ZBTB7B: variants seen among roughly 807,000 people sequenced by gnomAD.
ZBTB7B encodes the protein zinc finger and BTB domain containing 7B, also known as zinc finger and BTB domain-containing protein 7B.
Under a neutral mutation model 31.0 loss-of-function variants are expected in ZBTB7B, and 8 were observed. The observed-to-expected ratio is 0.26, with a 90% CI of 0.15 to 0.47. ZBTB7B has a LOEUF of 0.47. Among genes scored for constraint, ZBTB7B ranks in the 20% least tolerant of loss-of-function variants. ZBTB7B has a pLI of 0.99. For synonymous variants in ZBTB7B, 261 were observed against 307.3 expected (o/e 0.85, Z 1.58); for missense variants, 494 against 742.4 (o/e 0.67, Z 3.89).
rs1659500115 is a variant in ZBTB7B at position 155,017,329 on chromosome 1, G to A, written c.*644G>A. 8.4e-6 allele frequency: 1 copy of A among 118,584 alleles called. No homozygotes were observed. Among genetic ancestry groups the A allele is most frequent in the Non-Finnish European group, 2.0e-5 (1 of 49,824 alleles). 7.3% of individuals were successfully genotyped at this position (118,584 alleles called of 1,614,324 possible). A position where few individuals can be genotyped will look rare whatever the true frequency, so the allele number is the denominator to read the frequency against. On this transcript the variant is annotated 3_prime_UTR_variant, in exon 3 of 3. Transcript: ENST00000535420. The stretch of plus-strand genomic sequence containing the variant: ...CGTGGAGAAGGGGGCGGGGTGGCCT[G>A]ATTGGCTCGCCTGCCCCTGGGGGCA...
chr1:155,015,386 G>A lies in ZBTB7B; in HGVS notation c.726G>A (p.Val242=), dbSNP rs1367777951. Residue 242 remains valine (V), a synonymous_variant, in exon 2 of 3, where the codon GTG becomes GTA. Coordinates refer to ENST00000535420, the MANE Select transcript of ZBTB7B (RefSeq NM_001256455.2). ...TYEEEEVAGR[V]GSSGGSGPGD... ...AGGAGGAGGAGGTGGCGGGCAGAGT[G>A]GGCAGCAGTGGGGGCAGTGGGCCGG... is the stretch of plus-strand genomic sequence containing the variant. 1 of 1,572,074 alleles carries A rather than the reference G, an allele frequency of 6.4e-7. No homozygotes were observed. The highest frequency in any genetic ancestry group is 2.3e-5 in the East Asian group (1 of 44,418).
In ZBTB7B at chr1:155,008,299, G is replaced by C. The variant is rs1658690631; in HGVS notation, c.-7+5356G>C. On this transcript the variant is annotated intron_variant, in intron 1 of 2. Transcript: ENST00000535420. ...GGAACTGTGGTATGTGAGTGGGTTT[G>C]GGGTGAGGCTATGGGGAGGGCGGGG... 1.3e-5 allele frequency among the ~76,000 whole-genome samples: 2 copies of C among 152,206 alleles called. 1 individual carries two copies.
chr1:155,007,888 C>A (rs138477675), intron 1 of ZBTB7B, among the ~76,000 whole-genome samples: 5 of 152,080 alleles, frequency 3.3e-5, no homozygotes, highest in African/African-American at 9.7e-5. Flanking sequence ...TTCTATGGTA[C>A]CCCCAAGCCT....
At chr1:155,006,738 C>A (rs1223529171) in intron 1 of ZBTB7B, among the ~76,000 whole-genome samples, 1 of 152,058 alleles carries the variant, frequency 6.6e-6, no homozygotes, top group Non-Finnish European at 1.5e-5. Context: ...TTTCCACCGT[C>A]CCCCCAACTC....
chr1:155,002,693 C>A (rs1367920303), upstream of ZBTB7B: 1 of 72,006 alleles, frequency 1.4e-5, no homozygotes, highest in African/African-American at 5.9e-5. Context: ...ACAGGTGAGG[C>A]GGGCCCTGAG....
chr1:155,009,381 G>A (rs1474864981), intron 1 of ZBTB7B, among the ~76,000 whole-genome samples: 2 of 152,000 alleles, frequency 1.3e-5, no homozygotes, highest in Admixed American at 6.6e-5. Context: ...CACTAGGCTG[G>A]GGGGGAGGGG....
In ZBTB7B at chr1:155,009,027, G is replaced by T. The variant is rs563648369; in HGVS notation, c.-6-5628G>T. On this transcript the variant is annotated intron_variant, in intron 1 of 2. Coordinates refer to ENST00000535420, the MANE Select transcript of ZBTB7B (RefSeq NM_001256455.2). ...TCTGGCTTGGGAGATCAGGCCCCAG[G>T]GGGGCTTGGAGGCCTAGAATTAGCC... is the stretch of plus-strand genomic sequence containing the variant. 3.7e-4 allele frequency among the ~76,000 whole-genome samples: 57 copies of T among 152,246 alleles called. 1 individual carries two copies. Among genetic ancestry groups the T allele is most frequent in the Admixed American group, 2.0e-4 (3 of 15,292 alleles).
intron 1 of ZBTB7B, chr1:155,011,111 G>T: frequency 8.8e-7 from 1 of 1,137,620 alleles, no homozygotes; most frequent in Non-Finnish European, 1.3e-6. Flanking sequence ...TCCGCCTGCT[G>T]CCCCCCACAC....
chr1:155,008,042 C>T (rs1658668381), intron 1 of ZBTB7B, among the ~76,000 whole-genome samples: 1 of 152,124 alleles, frequency 6.6e-6, no homozygotes, highest in Non-Finnish European at 1.5e-5. Context: ...CCCCTCAGGC[C>T]CAGGCGGGTC....
chr1:155,008,174 C>A (rs1291837400), intron 1 of ZBTB7B, among the ~76,000 whole-genome samples: 1 of 152,116 alleles, frequency 6.6e-6, no homozygotes, highest in African/African-American at 2.4e-5. Flanking sequence ...TCTGTCTATC[C>A]CCCTCAGGCC....
chr1:155,003,588 T>G lies in ZBTB7B; in HGVS notation c.-7+645T>G, dbSNP rs1571502412. ...TCCCTGCCCCTCAATCCCACTCCCT[T>G]CCTTCAGGCTCCAGTCCCGCCGCTA... On this transcript the variant is annotated intron_variant, in intron 1 of 2. Coordinates refer to ENST00000535420, the MANE Select transcript of ZBTB7B (RefSeq NM_001256455.2). This position sits in a 1 kb window ranked among gnomAD's most constrained non-coding sequence, Gnocchi z 5.8. Among the ~76,000 whole-genome samples, 1 of 152,192 alleles carries G rather than the reference T, an allele frequency of 6.6e-6. No individual in the cohort carries two copies. Among genetic ancestry groups the G allele is most frequent in the South Asian group, 2.1e-4 (1 of 4,816 alleles).
Position 155,015,162 on chromosome 1 carries a change from A to C in ZBTB7B, c.502A>C (p.Thr168Pro), listed in dbSNP as rs764371708. 6.2e-7 allele frequency: 1 copy of C among 1,613,744 alleles called. No individual in the cohort carries two copies. Among genetic ancestry groups the C allele is most frequent in the East Asian group, 2.2e-5 (1 of 44,870 alleles). The change falls in exon 2 of 3, where the codon ACA becomes CCA. Residue 168 changes from threonine to proline, a missense_variant. This residue lies in a region of ZBTB7B where 216 missense variants were observed against 229.3 expected (regional missense o/e 0.94). Transcript: ENST00000535420. ...CCGCCAGTATCTGGAGGCCTTTGCC[A>C]CAGCCACGGCCTCTGGAGTTCCCAA... is the stretch of plus-strand genomic sequence containing the variant. ...RARQYLEAFATATASGVPNGE... is the reference protein window; with the variant it reads ...RARQYLEAFAPATASGVPNGE...
At position 155,016,834 on chromosome 1, in the gene ZBTB7B, A is replaced by G. The variant is rs555590898; in HGVS notation, c.*149A>G. 3.4e-5 allele frequency: 20 copies of G among 593,386 alleles called. No homozygotes were observed. Among genetic ancestry groups the G allele is most frequent in the African/African-American group, 3.0e-4 (16 of 53,958 alleles). The allele number at this position is 593,386 out of a possible 1,614,324, so 36.8% of individuals were successfully genotyped here. A position where few individuals can be genotyped will look rare whatever the true frequency, so the allele number is the denominator to read the frequency against. ...CCTTCCTCCCAGAGCCCTCATTCCAATTCCAAGCTAAGAAGGTATTGGGGC... is the reference window on the plus strand; with the variant it reads ...CCTTCCTCCCAGAGCCCTCATTCCAGTTCCAAGCTAAGAAGGTATTGGGGC... On this transcript the variant is annotated 3_prime_UTR_variant, in exon 3 of 3. Transcript: ENST00000535420. The surrounding 1 kb of genome is among the most constrained non-coding windows in gnomAD (Gnocchi z 4.3).
intron 1 of ZBTB7B, among the ~76,000 whole-genome samples, chr1:155,008,058 C>T (rs934263401): frequency 6.6e-6 from 1 of 152,112 alleles, no homozygotes; most frequent in Non-Finnish European, 1.5e-5. Context: ...GGGTCCCACC[C>T]AACCGGCCAG....
At position 155,016,304 on chromosome 1, in the gene ZBTB7B, C is replaced by T. The variant is rs1312572373; in HGVS notation, c.1239C>T (p.His413=). ...CGCACTGCCCAGCCCGCTTCCTGCA[C>T]AGCTACGACCTCAAGAACCACATGC... ...SCPHCPARFL[H]SYDLKNHMHL... The change falls in exon 3 of 3, where the codon CAC becomes CAT. Residue 413 remains histidine, a synonymous_variant. Coordinates refer to ENST00000535420, the MANE Select transcript of ZBTB7B (RefSeq NM_001256455.2). This position sits in a 1 kb window ranked among gnomAD's most constrained non-coding sequence, Gnocchi z 4.3. 6.2e-7 allele frequency: 1 copy of T among 1,614,104 alleles called. No homozygotes were observed. The highest frequency in any genetic ancestry group is 2.2e-5 in the East Asian group (1 of 44,884).
rs558292856 is a variant in ZBTB7B at position 155,015,322 on chromosome 1, C to T, written c.662C>T (p.Pro221Leu). The T allele has an allele frequency of 1.3e-4, 207 of 1,605,320 alleles. No homozygotes were observed. The highest frequency in any genetic ancestry group is 1.7e-4 in the Non-Finnish European group (201 of 1,174,170). ...TKGARANHLV[P>L]EVPTVPAHPL... Reference sequence around the variant, plus strand: ...GGGGCCAGAGCAAACCACCTAGTCCCTGAGGTGCCCACAGTGCCCGCCCAT... The same window carrying T: ...GGGGCCAGAGCAAACCACCTAGTCCTTGAGGTGCCCACAGTGCCCGCCCAT... The change falls in exon 2 of 3, where the codon CCT becomes CTT. Residue 221 changes from proline (P) to leucine (L), a missense_variant. Pro to Leu is a moderately conservative substitution (Grantham distance 98). Transcript: ENST00000535420.
Position 155,003,941 on chromosome 1 carries a change from G to A in ZBTB7B, c.-7+998G>A, listed in dbSNP as rs1434448672. Among the ~76,000 whole-genome samples, 1 of 152,186 alleles carries A rather than the reference G, an allele frequency of 6.6e-6. No homozygotes were observed. The highest frequency in any genetic ancestry group is 1.5e-5 in the Non-Finnish European group (1 of 68,020). On this transcript the variant is annotated intron_variant, in intron 1 of 2. Transcript: ENST00000535420. The surrounding 1 kb of genome is among the most constrained non-coding windows in gnomAD (Gnocchi z 5.8). Reference sequence around the variant, plus strand: ...TGGGCAGCGGGTTGTGCCCGGACACGTGCCTGCCCAGGCGCCCCGGCCCTG... The same window carrying A: ...TGGGCAGCGGGTTGTGCCCGGACACATGCCTGCCCAGGCGCCCCGGCCCTG...
chr1:155,015,527 G>C lies in ZBTB7B; in HGVS notation c.867G>C (p.Gly289=). ...AGCTGGTATATCCCCCAGCCTATGGGCTGGCGCAGGGTGGCGGGCCCCCGC... is the reference window on the plus strand; with the variant it reads ...AGCTGGTATATCCCCCAGCCTATGGCCTGGCGCAGGGTGGCGGGCCCCCGC... ...EEELVYPPAY[G]LAQGGGPPLS... Residue 289 remains glycine (G), a synonymous_variant, in exon 2 of 3, where the codon GGG becomes GGC. Coordinates refer to ENST00000535420, the MANE Select transcript of ZBTB7B (RefSeq NM_001256455.2). 6.2e-7 allele frequency: 1 copy of C among 1,613,908 alleles called. No individual in the cohort carries two copies. The highest frequency in any genetic ancestry group is 1.1e-5 in the South Asian group (1 of 91,048).
intron 2 of ZBTB7B, 85 bp downstream of exon 2, chr1:155,015,899 G>T: frequency 6.6e-7 from 1 of 1,512,496 alleles, no homozygotes; most frequent in Non-Finnish European, 8.9e-7. Context: ...TAGGAGACCC[G>T]AGGTGGTGGT....
Sources: gnomAD v4.1 joint callset for allele counts (sites outside exome capture counted in the v4.1 genomes callset) on GRCh38, gnomAD v4.1.1 for gene constraint, gnomAD v4.1.1 regional missense constraint, Gnocchi (gnomAD v3.1) non-coding constraint, MANE v1.5 for transcripts, NCBI Gene and HGNC (gene_info 2026-07-23, HGNC 2026-07-21) for gene names.